DLG2: variants seen among roughly 807,000 people sequenced by gnomAD.
The protein encoded by DLG2 is discs large MAGUK scaffold protein 2, also known as disks large homolog 2.
In DLG2, 45 loss-of-function variants were observed where a neutral mutation model predicts 132.5. That is an observed-to-expected ratio of 0.34 (90% CI 0.27 to 0.44). The LOEUF is 0.44. Among genes scored for constraint, DLG2 ranks in the 20% least tolerant of loss-of-function variants. DLG2 has a pLI of 1.00. For missense variants in DLG2, 1,045 were observed against 1,196.9 expected (o/e 0.87, Z 1.87); for synonymous variants, 424 against 419.6 (o/e 1.01, Z -0.13).
At chr11:83,555,783 A>C (rs1398620894) in intron 19 of DLG2, among the ~76,000 whole-genome samples, 1 of 152,336 alleles carries the variant, frequency 6.6e-6, no homozygotes, top group Non-Finnish European at 1.5e-5. Flanking sequence ...GAAAATCTTC[A>C]ATCTAGTACT....
At chr11:85,429,292 T>C (rs2090998641) in intron 3 of DLG2, among the ~76,000 whole-genome samples, 1 of 152,194 alleles carries the variant, frequency 6.6e-6, no homozygotes, top group Non-Finnish European at 1.5e-5. Flanking sequence ...AGCATCATCC[T>C]GTTACCAAAG....
intron 6 of DLG2, among the ~76,000 whole-genome samples, chr11:84,648,246 C>A (rs528438145): frequency 9.9e-5 from 15 of 152,194 alleles, no homozygotes; most frequent in Non-Finnish European, 4.4e-5. Flanking sequence ...GAAGAAGAAA[C>A]CCCCTTCATA....
chr11:84,509,099 C>T (rs1380338719), intron 7 of DLG2, among the ~76,000 whole-genome samples: 3 of 152,198 alleles, frequency 2.0e-5, no homozygotes, highest in African/African-American at 4.8e-5. Context: ...TAAGCTAGTG[C>T]TAATATATAT....
intron 7 of DLG2, among the ~76,000 whole-genome samples, chr11:84,453,640 C>T (rs2099057546): frequency 2.0e-5 from 3 of 151,598 alleles, no homozygotes; most frequent in Admixed American, 2.0e-4. Flanking sequence ...TACTTAACTA[C>T]TTATCTTATT....
At chr11:84,724,463 C>T (rs1026360596) in intron 6 of DLG2, among the ~76,000 whole-genome samples, 1 of 152,142 alleles carries the variant, frequency 6.6e-6, no homozygotes, top group Non-Finnish European at 1.5e-5. Context: ...GTGTGTAACT[C>T]GGTCTAATTC....
At chr11:85,119,643 T>C (rs1435681846) in intron 5 of DLG2, among the ~76,000 whole-genome samples, 1 of 152,024 alleles carries the variant, frequency 6.6e-6, no homozygotes, top group Non-Finnish European at 1.5e-5. Flanking sequence ...CAAAGTCTCA[T>C]GGAAACATAA....
At chr11:83,997,347 C>A (rs2094096574) in intron 11 of DLG2, among the ~76,000 whole-genome samples, 1 of 152,122 alleles carries the variant, frequency 6.6e-6, no homozygotes, top group Admixed American at 6.6e-5. Context: ...CTAGGTCCAA[C>A]AATGCACAGC....
At chr11:84,844,258 G>A (rs899868003) in intron 6 of DLG2, among the ~76,000 whole-genome samples, 2 of 149,498 alleles carry the variant, frequency 1.3e-5, no homozygotes, top group African/African-American at 4.9e-5. Context: ...ACATACTAGG[G>A]AATATATACA....
At position 84,449,676 on chromosome 11, in the gene DLG2, T is replaced by A. The variant is rs552190985; in HGVS notation, c.519+84894A>T. On this transcript the variant is annotated intron_variant, in intron 7 of 27. Coordinates refer to ENST00000376104, the MANE Select transcript of DLG2 (RefSeq NM_001142699.3). ...TCTAACATCAGCCATTTTTAAAATG[T>A]TTACATACTATCTTTATTGTTGTTT... Among the ~76,000 whole-genome samples, 26 of 151,992 alleles carry A rather than the reference T, an allele frequency of 1.7e-4. No homozygotes were observed. The South Asian group carries it at 2.1e-3, about 12-fold the overall frequency.
chr11:85,302,526 C>G (rs2079651306), intron 3 of DLG2, among the ~76,000 whole-genome samples: 1 of 151,906 alleles, frequency 6.6e-6, no homozygotes, highest in Admixed American at 6.6e-5. Flanking sequence ...TGCTGAGCAC[C>G]TGACCTGAGA....
intron 3 of DLG2, among the ~76,000 whole-genome samples, chr11:85,302,012 C>T (rs2079615050): frequency 6.6e-6 from 1 of 152,164 alleles, no homozygotes; most frequent in Non-Finnish European, 1.5e-5. Flanking sequence ...TAGCAACACT[C>T]AGCACAAAAT....
chr11:84,322,869 A>G (rs951249961), intron 7 of DLG2, among the ~76,000 whole-genome samples: 3 of 152,120 alleles, frequency 2.0e-5, no homozygotes. Flanking sequence ...AGATTACAGG[A>G]GTGAGCCACC....
At chr11:84,713,464 G>A (rs2060668133) in intron 6 of DLG2, among the ~76,000 whole-genome samples, 1 of 152,096 alleles carries the variant, frequency 6.6e-6, no homozygotes, top group Non-Finnish European at 1.5e-5. Context: ...TCTTGGCAAT[G>A]TAAATAGCTG....
At chr11:83,587,881 G>C (rs2097115667) in intron 19 of DLG2, among the ~76,000 whole-genome samples, 1 of 152,188 alleles carries the variant, frequency 6.6e-6, no homozygotes, top group Non-Finnish European at 1.5e-5. Context: ...AGGGGTGACG[G>C]ACGGCACCTG....
chr11:85,135,700 A>G (rs2076096067), intron 5 of DLG2, among the ~76,000 whole-genome samples: 2 of 152,226 alleles, frequency 1.3e-5, no homozygotes, highest in Admixed American at 1.3e-4. Context: ...ATTAATGTCT[A>G]TATCACCCTC....
intron 6 of DLG2, among the ~76,000 whole-genome samples, chr11:84,921,038 A>T (rs1391452851): frequency 6.6e-6 from 1 of 152,198 alleles, no homozygotes; most frequent in Non-Finnish European, 1.5e-5. Context: ...GAACCAAGTG[A>T]TAAGTAGTTC....
At chr11:84,751,905 A>G (rs1423839985) in intron 6 of DLG2, among the ~76,000 whole-genome samples, 2 of 152,216 alleles carry the variant, frequency 1.3e-5, no homozygotes, top group Non-Finnish European at 2.9e-5. Flanking sequence ...GTAGGTTACA[A>G]GCATAGAGGA....
At chr11:85,090,953 A>G (rs1346217334) in intron 6 of DLG2, among the ~76,000 whole-genome samples, 1 of 152,198 alleles carries the variant, frequency 6.6e-6, no homozygotes, top group African/African-American at 2.4e-5. Context: ...ATGCACAGAG[A>G]TCATATGGTG....
chr11:85,075,565 G>T (rs2066422962), intron 6 of DLG2, among the ~76,000 whole-genome samples: 2 of 151,734 alleles, frequency 1.3e-5, no homozygotes, highest in East Asian at 3.9e-4. Flanking sequence ...CCAAATTACA[G>T]AGTATACCAC....
Sources: gnomAD v4.1 joint callset for allele counts (sites outside exome capture counted in the v4.1 genomes callset) on GRCh38, gnomAD v4.1.1 for gene constraint, MANE v1.5 for transcripts, NCBI Gene and HGNC (gene_info 2026-07-23, HGNC 2026-07-21) for gene names.